LSM4: variants seen among roughly 807,000 people sequenced by gnomAD.
The protein encoded by LSM4 is LSM4 homolog, U6 small nuclear RNA and mRNA degradation associated, also known as U6 snRNA-associated Sm-like protein LSm4.
A neutral mutation model predicts 22.3 loss-of-function variants in LSM4; 15 were observed. The observed-to-expected ratio is 0.67, with a 90% CI of 0.45 to 1.03. The LOEUF (loss-of-function observed/expected upper bound fraction) is 1.03. Ranked by LOEUF, LSM4 falls within the 50% of genes least tolerant of loss-of-function variation. The pLI is 0.00. For synonymous variants in LSM4, 90 were observed against 79.8 expected, an observed-to-expected ratio of 1.13 and a Z score of -0.68; for missense variants, 127 against 198.0, an observed-to-expected ratio of 0.64 and a Z score of 2.15.
At position 18,323,059 on chromosome 19, in the gene LSM4, G is replaced by A. The variant is rs1320100702; in HGVS notation, c.-39C>T. 4.0e-6 allele frequency: 6 copies of A among 1,513,898 alleles called. No homozygotes were observed. Among genetic ancestry groups the A allele is most frequent in the Non-Finnish European group, 5.3e-6 (6 of 1,138,722 alleles). The allele number at this position is 1,513,898 out of a possible 1,614,324, so 93.8% of individuals were successfully genotyped here. On this transcript the variant is annotated 5_prime_UTR_variant, in exon 1 of 5. Transcript: ENST00000593829. ...ACCGGGCTCGCCGGCCACTTCCGCC[G>A]CCGCCGCTGCACACGCTCCCGGCGG... is the stretch of plus-strand genomic sequence containing the variant.
At chr19:18,311,679 G>C (rs535163303) in intron 3 of LSM4, among the ~76,000 whole-genome samples, 6 of 152,250 alleles carry the variant, frequency 3.9e-5, no homozygotes, top group East Asian at 3.9e-4. Context: ...CCTCCGACAG[G>C]CTATGGCACG....
At chr19:18,319,935 G>A (rs1439639754) in intron 1 of LSM4, among the ~76,000 whole-genome samples, 2 of 152,214 alleles carry the variant, frequency 1.3e-5, no homozygotes, top group African/African-American at 4.8e-5. Flanking sequence ...GCACATGAGA[G>A]GGACTCGGTA....
intron 1 of LSM4, among the ~76,000 whole-genome samples, chr19:18,320,616 T>G (rs1346813742): frequency 2.6e-5 from 4 of 151,836 alleles, no homozygotes; most frequent in African/African-American, 9.7e-5. Context: ...CTGGCCAACA[T>G]AGTGAAACCT....
chr19:18,309,834 C>T lies in LSM4; in HGVS notation c.172G>A (p.Glu58Lys), dbSNP rs764476513. The T allele has an allele frequency of 1.7e-5, 27 of 1,613,482 alleles. No homozygotes were observed. The highest frequency in any genetic ancestry group is 7.7e-5 in the South Asian group (7 of 91,040). Reference sequence around the variant, plus strand: ...ATGGTGCTGCCGCGGATGTAGCACTCGGGCATCCGCCAGAACTTGTCCCCG... The same window carrying T: ...ATGGTGCTGCCGCGGATGTAGCACTTGGGCATCCGCCAGAACTTGTCCCCG... ...RDGDKFWRMP[E>K]CYIRGSTIKY... is the part of the protein sequence containing the mutation. The change falls in exon 4 of 5, where the codon GAG becomes AAG. Residue 58 changes from glutamate to lysine, a missense_variant. Transcript: ENST00000593829.
chr19:18,321,101 C>T (rs955895227), intron 1 of LSM4, among the ~76,000 whole-genome samples: 1 of 152,230 alleles, frequency 6.6e-6, no homozygotes, highest in African/African-American at 2.4e-5. Context: ...TGTCCATTCT[C>T]GGCTACTCCT....
At chr19:18,313,745 G>C (rs999474229) in intron 2 of LSM4, among the ~76,000 whole-genome samples, 2 of 152,094 alleles carry the variant, frequency 1.3e-5, no homozygotes, top group African/African-American at 4.8e-5. Flanking sequence ...CAAACTCCTG[G>C]GCTCAAGTGA....
chr19:18,309,650 G>C, intron 4 of LSM4, 28 bp downstream of exon 4: 1 of 1,558,094 alleles, frequency 6.4e-7, no homozygotes, highest in Non-Finnish European at 8.7e-7. Flanking sequence ...CCCGCCCCAG[G>C]TACGTCCACT....
At chr19:18,313,497 G>A (rs1391105691) in intron 2 of LSM4, among the ~76,000 whole-genome samples, 1 of 152,172 alleles carries the variant, frequency 6.6e-6, no homozygotes, top group Non-Finnish European at 1.5e-5. Context: ...AGGATATGCT[G>A]CTGTTAGGAA....
intron 3 of LSM4, 46 bp from the exon 4 acceptor site, chr19:18,309,907 G>A: frequency 1.3e-6 from 2 of 1,591,444 alleles, no homozygotes; most frequent in African/African-American, 2.7e-5. Context: ...CGGGCCGTCT[G>A]GCCCAGCCCT....
intron 1 of LSM4, among the ~76,000 whole-genome samples, chr19:18,316,938 T>C (rs1970363378): frequency 6.6e-6 from 1 of 152,134 alleles, no homozygotes; most frequent in African/African-American, 2.4e-5. Context: ...TTTTTATTTT[T>C]TTAGATGAAG....
intron 4 of LSM4, 122 bp downstream of exon 4, chr19:18,309,556 G>A (rs745440604): frequency 1.9e-4 from 210 of 1,097,904 alleles, no homozygotes; most frequent in Non-Finnish European, 2.5e-4. Context: ...AGGACCAGGA[G>A]GGGGGCCCGG....
intron 1 of LSM4, among the ~76,000 whole-genome samples, chr19:18,318,242 C>T (rs1356582096): frequency 2.0e-5 from 3 of 152,214 alleles, no homozygotes; most frequent in Admixed American, 2.0e-4. Context: ...GGAAATGGCC[C>T]TCAACCCTGG....
intron 1 of LSM4, among the ~76,000 whole-genome samples, chr19:18,318,966 G>C (rs929431204): frequency 2.0e-5 from 3 of 152,260 alleles, no homozygotes; most frequent in Admixed American, 2.0e-4. Context: ...TGGTGGGATG[G>C]CCACGGAGGC....
Position 18,306,676 on chromosome 19 carries a change from T to C in LSM4, c.*788A>G, listed in dbSNP as rs1043289098. 6.6e-6 allele frequency: 1 copy of C among 152,254 alleles called. No homozygotes were observed. The allele number at this position is 152,254 out of a possible 1,614,324, so 9.4% of individuals were successfully genotyped here. On this transcript the variant is annotated 3_prime_UTR_variant, in exon 5 of 5. Transcript: ENST00000593829. ...CGTCTCCACAGAGGGGAGAGGGTTA[T>C]AGGACAACCTGGTGTGGGGGGCGCC...
At chr19:18,312,853 A>T (rs1970313603) in intron 2 of LSM4, 151 bp from the exon 3 acceptor site, 1 of 629,062 alleles carries the variant, frequency 1.6e-6, no homozygotes, top group Non-Finnish European at 2.9e-6. Context: ...CTTACAGGCG[A>T]CAGGCTCTGC....
rs1328720078 is a variant in LSM4 at position 18,323,053 on chromosome 19, T to TCCG, written c.-36_-34dup. 5.9e-6 allele frequency: 9 copies of TCCG among 1,523,206 alleles called. No individual in the cohort carries two copies. Among genetic ancestry groups the TCCG allele is most frequent in the Non-Finnish European group, 6.1e-6 (7 of 1,143,812 alleles). The allele number at this position is 1,523,206 out of a possible 1,614,324, so 94.4% of individuals were successfully genotyped here. ...GCGGGGACCGGGCTCGCCGGCCACT[T>TCCG]CCGCCGCCGCCGCTGCACACGCTCC... On this transcript the variant is annotated 5_prime_UTR_variant, in exon 1 of 5. Transcript: ENST00000593829.
At chr19:18,318,970 C>T (rs74180875) in intron 1 of LSM4, among the ~76,000 whole-genome samples, 14,058 of 152,286 alleles carry the variant, frequency 0.092, 811 homozygotes, top group Middle Eastern at 0.16. Context: ...GGGATGGCCA[C>T]GGAGGCTCTC....
At chr19:18,309,995 G>C in intron 3 of LSM4, 134 bp from the exon 4 acceptor site, 2 of 810,286 alleles carry the variant, frequency 2.5e-6, no homozygotes, top group East Asian at 2.8e-5. Flanking sequence ...TATCAGTCCC[G>C]GGACATACGT....
At chr19:18,318,630 C>T (rs1258839381) in intron 1 of LSM4, among the ~76,000 whole-genome samples, 3 of 152,240 alleles carry the variant, frequency 2.0e-5, no homozygotes, top group African/African-American at 4.8e-5. Flanking sequence ...GTAACAGGAA[C>T]GGGACCTTGG....
Sources: allele counts gnomAD v4.1 joint callset (sites outside exome capture counted in the v4.1 genomes callset), GRCh38; gene constraint gnomAD v4.1.1; transcripts MANE v1.5; gene names NCBI Gene and HGNC (gene_info 2026-07-23, HGNC 2026-07-21).